EHBP1: variants seen among roughly 807,000 people sequenced by gnomAD.
EHBP1 encodes the protein EH domain-binding protein 1.
Under a neutral mutation model 144.0 loss-of-function variants are expected in EHBP1, and 55 were observed. That is an observed-to-expected ratio of 0.38 (90% CI 0.31 to 0.48). The LOEUF is 0.48. Ranked by LOEUF, EHBP1 falls within the 20% of genes least tolerant of loss-of-function variation. The pLI is 0.98. For missense variants in EHBP1, 1,200 were observed against 1,364.2 expected, an observed-to-expected ratio of 0.88 and a Z score of 1.90; for synonymous variants, 469 against 472.7, an observed-to-expected ratio of 0.99 and a Z score of 0.10.
At chr2:62,945,972 G>A (rs2057042951) in intron 12 of EHBP1, among the ~76,000 whole-genome samples, 1 of 148,436 alleles carries the variant, frequency 6.7e-6, no homozygotes, top group African/African-American at 2.5e-5. Context: ...TGGAGAGCCT[G>A]TGTCTATTAA....
At chr2:62,812,710 A>G (rs908001292) in intron 5 of EHBP1, among the ~76,000 whole-genome samples, 2 of 152,196 alleles carry the variant, frequency 1.3e-5, no homozygotes, top group Non-Finnish European at 2.9e-5. Flanking sequence ...ATTTAAGAGT[A>G]ATGAACTAGG....
At chr2:62,674,986 A>G (rs149247658) in intron 1 of EHBP1, among the ~76,000 whole-genome samples, 2 of 152,266 alleles carry the variant, frequency 1.3e-5, no homozygotes, top group Admixed American at 6.5e-5. Context: ...AAGTTTGAGA[A>G]TTAGTGGTCA....
At chr2:62,770,100 T>C (rs1354992554) in intron 4 of EHBP1, among the ~76,000 whole-genome samples, 5 of 152,104 alleles carry the variant, frequency 3.3e-5, no homozygotes, top group Non-Finnish European at 5.9e-5. Context: ...TTCCTGAACA[T>C]AGGAACTGGC....
chr2:62,758,193 C>G (rs976798545), intron 3 of EHBP1, among the ~76,000 whole-genome samples: 1 of 151,928 alleles, frequency 6.6e-6, no homozygotes, highest in Non-Finnish European at 1.5e-5. Flanking sequence ...TCTGCAACCT[C>G]CACCTTTCAG....
At chr2:62,689,090 C>T (rs2033816548) in intron 1 of EHBP1, among the ~76,000 whole-genome samples, 1 of 152,152 alleles carries the variant, frequency 6.6e-6, no homozygotes, top group South Asian at 2.1e-4. Flanking sequence ...ACTAAGCCAG[C>T]ACAAATATTT....
intron 6 of EHBP1, among the ~76,000 whole-genome samples, chr2:62,827,962 C>T (rs2046465403): frequency 6.6e-6 from 1 of 152,174 alleles, no homozygotes; most frequent in Non-Finnish European, 1.5e-5. Context: ...AGCCACCGCG[C>T]CCAGCCAGCA....
chr2:62,872,514 G>T (rs1476566937), intron 9 of EHBP1, among the ~76,000 whole-genome samples: 1 of 152,034 alleles, frequency 6.6e-6, no homozygotes, highest in African/African-American at 2.4e-5. Context: ...TCATTGTAGA[G>T]AAAGGGATAA....
intron 2 of EHBP1, among the ~76,000 whole-genome samples, chr2:62,726,409 C>T (rs1471349171): frequency 6.6e-6 from 1 of 152,194 alleles, no homozygotes; most frequent in Non-Finnish European, 1.5e-5. Context: ...GCTGGGTTTC[C>T]AGCTTCCTCC....
At chr2:62,863,570 G>GTTA (rs1312875153) in intron 8 of EHBP1, among the ~76,000 whole-genome samples, 4 of 152,192 alleles carry the variant, frequency 2.6e-5, no homozygotes, top group Middle Eastern at 3.4e-3. Flanking sequence ...AGATTCTTAT[G>GTTA]TTATTATTGA....
At chr2:62,820,740 ATATATATATATAT>A (rs1558730716) in intron 5 of EHBP1, among the ~76,000 whole-genome samples, 24 of 33,502 alleles carry the variant, frequency 7.2e-4, no homozygotes, top group African/African-American at 1.7e-3. Context: ...TGTGTATAAT[ATATATATATATAT>A]ATATATATAT....
At chr2:62,880,470 A>T (rs1212359746) in intron 10 of EHBP1, among the ~76,000 whole-genome samples, 1 of 152,216 alleles carries the variant, frequency 6.6e-6, no homozygotes, top group East Asian at 1.9e-4. Flanking sequence ...GACAATCTAC[A>T]GAATTGGAGA....
intron 7 of EHBP1, among the ~76,000 whole-genome samples, chr2:62,840,885 G>A (rs1180665996): frequency 6.6e-6 from 1 of 152,112 alleles, no homozygotes. Context: ...CTTTTACACT[G>A]TTGGTGGGAC....
Position 62,681,411 on chromosome 2 carries a change from T to C in EHBP1, c.-296+7328T>C, listed in dbSNP as rs191746999. 5.2e-3 allele frequency among the ~76,000 whole-genome samples: 437 copies of C among 84,824 alleles called. 9 individuals are homozygous for C. The highest frequency in any genetic ancestry group is 0.015 in the East Asian group (38 of 2,510). 55.6% of individuals were successfully genotyped at this position (84,824 alleles called of 152,430 possible). A position where few individuals can be genotyped will look rare whatever the true frequency, so the allele number is the denominator to read the frequency against. ...ATGTGTATATATGTATATATATATA[T>C]ACACATACAAAAAACTGAATACATG... On this transcript the variant is annotated intron_variant, in intron 1 of 22. Transcript: ENST00000405015.
intron 10 of EHBP1, among the ~76,000 whole-genome samples, chr2:62,904,794 T>G (rs1044483017): frequency 4.6e-5 from 7 of 152,174 alleles, no homozygotes; most frequent in Admixed American, 2.6e-4. Flanking sequence ...TTTTCTTTTT[T>G]TGCGGGGGAT....
At chr2:62,981,148 T>C (rs1262912816) in intron 15 of EHBP1, among the ~76,000 whole-genome samples, 3 of 152,042 alleles carry the variant, frequency 2.0e-5, no homozygotes, top group African/African-American at 7.2e-5. Flanking sequence ...AGGATTTTTA[T>C]TGCAATTTCT....
Position 62,948,870 on chromosome 2 carries a change from C to G in EHBP1, c.2024C>G (p.Ser675Cys). Reference protein sequence around the residue: ...LYVSDKKKDMSPPFICEETDE... With the variant: ...LYVSDKKKDMCPPFICEETDE... Reference sequence around the variant, plus strand: ...GTTAGTGATAAGAAGAAGGATATGTCTCCACCCTTTATTTGTGAGGAGACA... The same window carrying G: ...GTTAGTGATAAGAAGAAGGATATGTGTCCACCCTTTATTTGTGAGGAGACA... The change falls in exon 13 of 23, where the codon TCT (serine) becomes TGT (cysteine). Residue 675 changes from serine (S) to cysteine (C), a missense_variant. This residue lies in a region of EHBP1 where 543 missense variants were observed against 513.1 expected (regional missense o/e 1.06). Transcript: ENST00000431489. 6.2e-7 allele frequency: 1 copy of G among 1,614,002 alleles called. No individual in the cohort carries two copies. Among genetic ancestry groups the G allele is most frequent in the Non-Finnish European group, 8.5e-7 (1 of 1,179,978 alleles).
intron 18 of EHBP1, 66 bp from the exon 19 acceptor site, chr2:62,996,577 T>A: frequency 6.2e-7 from 1 of 1,604,292 alleles, no homozygotes; most frequent in South Asian, 1.1e-5. Flanking sequence ...TACTAAGTGT[T>A]TGTAGAAAGG....
At chr2:62,974,798 T>A (rs1216303481) in intron 14 of EHBP1, among the ~76,000 whole-genome samples, 1 of 152,178 alleles carries the variant, frequency 6.6e-6, no homozygotes, top group Non-Finnish European at 1.5e-5. Context: ...TCTGATCTAG[T>A]TCTTATCTCT....
intron 1 of EHBP1, among the ~76,000 whole-genome samples, chr2:62,676,570 C>T (rs998917298): frequency 3.3e-5 from 5 of 152,156 alleles, no homozygotes; most frequent in Admixed American, 1.3e-4. Flanking sequence ...CATGATCCTG[C>T]GGGACTGTGT....
Sources: allele counts gnomAD v4.1 joint callset (sites outside exome capture counted in the v4.1 genomes callset), GRCh38; gene constraint gnomAD v4.1.1; regional missense constraint gnomAD v4.1.1; transcripts MANE v1.5; gene names NCBI Gene and HGNC (gene_info 2026-07-23, HGNC 2026-07-21).